The following EBAG9 variants were observed in gnomAD, a reference collection of about 807,000 sequenced individuals.
EBAG9 encodes the protein receptor-binding cancer antigen expressed on SiSo cells.
In EBAG9, 16 loss-of-function variants were observed where a neutral mutation model predicts 30.9. The ratio of observed to expected loss-of-function variants is 0.52; its 90% confidence interval spans 0.35 to 0.79. EBAG9 has a LOEUF of 0.79. Among genes scored for constraint, EBAG9 ranks in the 30% least tolerant of loss-of-function variants. The pLI is 0.01. For synonymous variants in EBAG9, 93 were observed against 82.8 expected (o/e 1.12, Z -0.67); for missense variants, 197 against 242.1 (o/e 0.81, Z 1.24).
intron 5 of EBAG9, among the ~76,000 whole-genome samples, chr8:109,558,118 A>G (rs779315483): frequency 2.6e-5 from 4 of 152,212 alleles, no homozygotes; most frequent in Non-Finnish European, 5.9e-5. Flanking sequence ...TTTAAATTAC[A>G]TCTGTCTGTC....
At chr8:109,544,280 TA>T (rs1821339598) in intron 1 of EBAG9, among the ~76,000 whole-genome samples, 1 of 152,160 alleles carries the variant, frequency 6.6e-6, no homozygotes, top group South Asian at 2.1e-4. Context: ...GAAGTCCAAA[TA>T]TACTGCTTGT....
intron 5 of EBAG9, 130 bp downstream of exon 5, chr8:109,557,172 T>A: frequency 2.0e-6 from 1 of 490,934 alleles, no homozygotes; most frequent in East Asian, 3.4e-5. Context: ...TTTAGCAGTT[T>A]GATAGAAGTT....
intron 6 of EBAG9, chr8:109,563,507 A>G: frequency 6.3e-7 from 1 of 1,597,356 alleles, no homozygotes; most frequent in Admixed American, 1.7e-5. Flanking sequence ...AGTCTGGGTC[A>G]GTGGAGTTAC....
At position 109,544,033 on chromosome 8, in the gene EBAG9, TAAAA is replaced by T. The variant is rs11337681; in HGVS notation, c.-16+3589_-16+3592del. 2.9e-3 allele frequency among the ~76,000 whole-genome samples: 362 copies of T among 125,846 alleles called. 2 individuals are homozygous for T. The highest frequency in any genetic ancestry group is 0.01 in the African/African-American group (344 of 34,304). The allele number at this position is 125,846 out of a possible 152,430, so 82.6% of individuals were successfully genotyped here. ...TGACACAGCAAGACTCTATCTCAAT[TAAAA>T]AAAAAAAAAAAAAAAAGTATGTTAT... On this transcript the variant is annotated intron_variant, in intron 1 of 6. Coordinates refer to ENST00000337573, the MANE Select transcript of EBAG9 (RefSeq NM_004215.5).
intron 2 of EBAG9, among the ~76,000 whole-genome samples, chr8:109,552,056 A>T (rs1046057167): frequency 6.6e-6 from 1 of 152,048 alleles, no homozygotes; most frequent in Admixed American, 6.6e-5. Flanking sequence ...TAAAAGAGGA[A>T]ATGGACAGCA....
intron 1 of EBAG9, among the ~76,000 whole-genome samples, chr8:109,548,025 G>A (rs1367758055): frequency 6.6e-6 from 1 of 151,756 alleles, no homozygotes; most frequent in African/African-American, 2.4e-5. Context: ...TTATTTTATG[G>A]ATTGTGCTTT....
intron 1 of EBAG9, among the ~76,000 whole-genome samples, chr8:109,542,483 T>C (rs1036624133): frequency 6.6e-6 from 1 of 152,208 alleles, no homozygotes; most frequent in Non-Finnish European, 1.5e-5. Context: ...ATGGTAAATA[T>C]CATTTTTCTT....
intron 1 of EBAG9, among the ~76,000 whole-genome samples, chr8:109,544,274 T>A (rs1221805289): frequency 6.6e-6 from 1 of 152,108 alleles, no homozygotes; most frequent in Non-Finnish European, 1.5e-5. Context: ...AGAACTGAAG[T>A]CCAAATATAC....
In EBAG9 at chr8:109,564,678, C is replaced by A; in HGVS notation, c.*119C>A. ...TACTGCTTGATTTTAATACATTGATCAGGCCATCCAGGACACCACGATTCT... is the reference window on the plus strand; with the variant it reads ...TACTGCTTGATTTTAATACATTGATAAGGCCATCCAGGACACCACGATTCT... On this transcript the variant is annotated 3_prime_UTR_variant, in exon 7 of 7. Transcript: ENST00000337573. 38 of 1,404,190 alleles carry A rather than the reference C, an allele frequency of 2.7e-5. No homozygotes were observed. The highest frequency in any genetic ancestry group is 1.9e-4 in the Middle Eastern group (1 of 5,142). 87.0% of individuals were successfully genotyped at this position (1,404,190 alleles called of 1,614,324 possible). A position where few individuals can be genotyped will look rare whatever the true frequency, so the allele number is the denominator to read the frequency against.
At chr8:109,543,247 G>A (rs1163661811) in intron 1 of EBAG9, among the ~76,000 whole-genome samples, 8 of 142,630 alleles carry the variant, frequency 5.6e-5, no homozygotes, top group Non-Finnish European at 7.5e-5. Flanking sequence ...AGCTTATATG[G>A]AGAGACAGCC....
rs113930500 is a variant in EBAG9, at chr8:109,561,361, T to C, written c.521+432T>C. On this transcript the variant is annotated intron_variant, in intron 6 of 6. Coordinates refer to ENST00000337573, the MANE Select transcript of EBAG9 (RefSeq NM_004215.5). ...TGCTCATTTGAGTGAAAATAACTTA[T>C]GTGACACTCTACATTTGTACATATA... Among the ~76,000 whole-genome samples the C allele has an allele frequency of 2.6e-5, 4 of 151,992 alleles. No individual in the cohort carries two copies. In the South Asian group the frequency reaches 6.2e-4, roughly 24 times the overall value.
intron 5 of EBAG9, among the ~76,000 whole-genome samples, chr8:109,560,468 G>A (rs1821688044): frequency 6.6e-6 from 1 of 152,224 alleles, no homozygotes; most frequent in African/African-American, 2.4e-5. Flanking sequence ...TCTGGGATCA[G>A]TCAGTTTCTT....
intron 3 of EBAG9, among the ~76,000 whole-genome samples, chr8:109,554,481 C>T (rs1031332565): frequency 2.6e-5 from 4 of 151,884 alleles, no homozygotes; most frequent in African/African-American, 9.7e-5. Context: ...CATTTGCTTT[C>T]GTTTTACTTT....
At chr8:109,559,282 T>TC (rs1000151421) in intron 5 of EBAG9, among the ~76,000 whole-genome samples, 5 of 151,678 alleles carry the variant, frequency 3.3e-5, no homozygotes, top group African/African-American at 1.2e-4. Flanking sequence ...CATGGCGAAA[T>TC]CCCCCCTCTA....
chr8:109,546,366 C>A lies in EBAG9; in HGVS notation c.-15-4444C>A, dbSNP rs571276101. ...TAGTTTTGATGAATATATATACACT[C>A]ACCTATGAAACCACCACAACTGAAG... On this transcript the variant is annotated intron_variant, in intron 1 of 6. Coordinates refer to ENST00000337573, the MANE Select transcript of EBAG9 (RefSeq NM_004215.5). Among the ~76,000 whole-genome samples the A allele has an allele frequency of 2.2e-4, 33 of 152,278 alleles. No homozygotes were observed. The South Asian group carries it at 5.8e-3, about 27-fold the overall frequency.
At chr8:109,561,052 A>ATC in intron 6 of EBAG9, 123 bp downstream of exon 6, 2 of 747,252 alleles carry the variant, frequency 2.7e-6, no homozygotes, top group Non-Finnish European at 4.2e-6. Flanking sequence ...ATCCTTAGAT[A>ATC]ATAAGGACTT....
At chr8:109,563,797 A>G (rs1040372293) in intron 6 of EBAG9, among the ~76,000 whole-genome samples, 1 of 151,910 alleles carries the variant, frequency 6.6e-6, no homozygotes, top group Non-Finnish European at 1.5e-5. Flanking sequence ...CTATGTGTTC[A>G]TGTGTTCTCA....
intron 4 of EBAG9, 76 bp downstream of exon 4, chr8:109,554,963 A>G: frequency 7.0e-7 from 1 of 1,418,840 alleles, no homozygotes; most frequent in Non-Finnish European, 9.6e-7. Flanking sequence ...GATACAATTC[A>G]CATTTATTAG....
intron 2 of EBAG9, among the ~76,000 whole-genome samples, chr8:109,553,232 T>C (rs1821528669): frequency 6.6e-6 from 1 of 152,214 alleles, no homozygotes; most frequent in African/African-American, 2.4e-5. Context: ...TTTGAATACC[T>C]GCATTTTATA....
Sources: allele counts gnomAD v4.1 joint callset (sites outside exome capture counted in the v4.1 genomes callset), GRCh38; gene constraint gnomAD v4.1.1; transcripts MANE v1.5; gene names NCBI Gene and HGNC (gene_info 2026-07-23, HGNC 2026-07-21).